The following SLC37A2 variants were observed in gnomAD, a reference collection of about 807,000 sequenced individuals.
SLC37A2 encodes the protein solute carrier family 37 member 2, also known as glucose-6-phosphate exchanger SLC37A2.
Under a neutral mutation model 70.7 loss-of-function variants are expected in SLC37A2, and 59 were observed. The ratio of observed to expected loss-of-function variants is 0.83; its 90% CI spans 0.68 to 1.04. The LOEUF (loss-of-function observed/expected upper bound fraction) is 1.04. Among genes scored for constraint, SLC37A2 ranks in the 50% least tolerant of loss-of-function variants. The pLI, the probability that SLC37A2 is intolerant of heterozygous loss-of-function variation, is 0.00. For synonymous variants in SLC37A2, 257 were observed against 262.1 expected, an observed-to-expected ratio of 0.98 and a Z score of 0.19; for missense variants, 580 against 658.1, an observed-to-expected ratio of 0.88 and a Z score of 1.30.
intron 13 of SLC37A2, 65 bp downstream of exon 13, chr11:125,084,938 G>T (rs1949189232): frequency 1.9e-6 from 3 of 1,603,592 alleles, no homozygotes; most frequent in East Asian, 4.5e-5. Context: ...GCCCCATGAG[G>T]CTGGCCCACG....
intron 1 of SLC37A2, among the ~76,000 whole-genome samples, chr11:125,068,347 TC>T (rs1229840430): frequency 2.0e-5 from 3 of 152,238 alleles, no homozygotes; most frequent in Non-Finnish European, 4.4e-5. Flanking sequence ...TCCTTTTACT[TC>T]CTTCCAGATA....
chr11:125,081,568 C>A, intron 8 of SLC37A2, 110 bp downstream of exon 8: 1 of 1,434,590 alleles, frequency 7.0e-7, no homozygotes, highest in Non-Finnish European at 9.4e-7. Context: ...TCACTGACCT[C>A]ACCGACCCAG....
intron 1 of SLC37A2, among the ~76,000 whole-genome samples, chr11:125,065,752 G>GC (rs1555078554): frequency 0.015 from 2,253 of 151,932 alleles, 62 homozygotes; most frequent in African/African-American, 0.051. Flanking sequence ...TTATGTACTG[G>GC]TAAAAAAAAA....
intron 1 of SLC37A2, among the ~76,000 whole-genome samples, chr11:125,067,209 C>A (rs977811904): frequency 6.6e-6 from 1 of 152,208 alleles, no homozygotes; most frequent in South Asian, 2.1e-4. Context: ...AAACTCCTGG[C>A]CTAAAGCCAT....
intron 1 of SLC37A2, among the ~76,000 whole-genome samples, chr11:125,071,017 G>C (rs1336609542): frequency 6.6e-6 from 1 of 152,188 alleles, no homozygotes; most frequent in East Asian, 1.9e-4. Flanking sequence ...ACTGAGAGCT[G>C]GGGTCAGGGT....
chr11:125,081,549 T>C (rs949967138), intron 8 of SLC37A2, 91 bp downstream of exon 8: 21 of 1,480,882 alleles, frequency 1.4e-5, no homozygotes, highest in Middle Eastern at 4.1e-4. Flanking sequence ...GAGCAGGGAG[T>C]TCTGGCCCTC....
Position 125,064,603 on chromosome 11 carries a change from C to T in SLC37A2, c.59+1177C>T, listed in dbSNP as rs183249990. Reference sequence around the variant, plus strand: ...GAGAGCTCTCATCAATTCTAACCTTCTTCACTCGTTTAGATTATTTACCTA... The same window carrying T: ...GAGAGCTCTCATCAATTCTAACCTTTTTCACTCGTTTAGATTATTTACCTA... On this transcript the variant is annotated intron_variant, in intron 1 of 17. Transcript: ENST00000403796. 6.7e-4 allele frequency among the ~76,000 whole-genome samples: 102 copies of T among 152,298 alleles called. 1 individual carries two copies. The Middle Eastern group carries it at 0.01, about 15-fold the overall frequency.
intron 1 of SLC37A2, among the ~76,000 whole-genome samples, chr11:125,072,885 T>G (rs2135563328): frequency 6.6e-6 from 1 of 152,264 alleles, no homozygotes; most frequent in African/African-American, 2.4e-5. Flanking sequence ...GTGGTGTGAC[T>G]TTGAGCTCAT....
At chr11:125,072,972 GA>G (rs1759254061) in intron 1 of SLC37A2, among the ~76,000 whole-genome samples, 2 of 152,162 alleles carry the variant, frequency 1.3e-5, no homozygotes, top group South Asian at 4.1e-4. Flanking sequence ...CAACACAGCT[GA>G]GGACCCCCCA....
rs1162201670 is a variant in SLC37A2 at position 125,088,025 on chromosome 11, G to A, written c.1491-94G>A. Reference sequence around the variant, plus strand: ...AACTGAGATGAAAGCAATGATGAAGGGACCCTGGGACCCTGCCTTTCCTCT... The same window carrying A: ...AACTGAGATGAAAGCAATGATGAAGAGACCCTGGGACCCTGCCTTTCCTCT... On this transcript the variant is annotated intron_variant, in intron 17 of 17. Transcript: ENST00000403796. The A allele has an allele frequency of 2.2e-6, 3 of 1,373,444 alleles. No individual in the cohort carries two copies. The East Asian group carries it at 7.5e-5, about 34-fold the overall frequency. The allele number at this position is 1,373,444 out of a possible 1,614,324, so 85.1% of individuals were successfully genotyped here.
chr11:125,067,693 G>A (rs1328806871), intron 1 of SLC37A2, among the ~76,000 whole-genome samples: 2 of 151,974 alleles, frequency 1.3e-5, no homozygotes, highest in Non-Finnish European at 2.9e-5. Flanking sequence ...GCCAACTTTG[G>A]CAAAATTTTA....
intron 3 of SLC37A2, 35 bp downstream of exon 3, chr11:125,077,358 A>G: frequency 6.3e-7 from 1 of 1,591,178 alleles, no homozygotes; most frequent in Non-Finnish European, 8.6e-7. Context: ...CCCATTCCCC[A>G]TTCCCTCTTC....
intron 12 of SLC37A2, 115 bp downstream of exon 12, chr11:125,084,434 C>A: frequency 9.4e-7 from 1 of 1,067,706 alleles, no homozygotes; most frequent in Non-Finnish European, 1.4e-6. Flanking sequence ...TGTACGCGTG[C>A]ACATGCATCA....
intron 6 of SLC37A2, 41 bp downstream of exon 6, chr11:125,079,801 G>A (rs1382829525): frequency 2.7e-6 from 4 of 1,494,798 alleles, no homozygotes; most frequent in Non-Finnish European, 3.7e-6. Context: ...GGATTGGGAG[G>A]GCTGGGGGTC....
chr11:125,067,729 CTT>C (rs1411346397), intron 1 of SLC37A2, among the ~76,000 whole-genome samples: 3 of 152,154 alleles, frequency 2.0e-5, no homozygotes, highest in Admixed American at 2.0e-4. Flanking sequence ...TATTTTTAGA[CTT>C]ATTGTTTGAT....
chr11:125,072,143 G>C (rs1446627163), intron 1 of SLC37A2, among the ~76,000 whole-genome samples: 2 of 152,148 alleles, frequency 1.3e-5, no homozygotes, highest in African/African-American at 4.8e-5. Flanking sequence ...GGTGGTGGCA[G>C]TCGGTCTTTT....
At chr11:125,069,486 C>T (rs1446750866) in intron 1 of SLC37A2, among the ~76,000 whole-genome samples, 1 of 152,190 alleles carries the variant, frequency 6.6e-6, no homozygotes, top group Non-Finnish European at 1.5e-5. Context: ...AAATGAGAAG[C>T]TGCTTAAAGC....
In SLC37A2 at chr11:125,084,401, C is replaced by T. The variant is rs534758776; in HGVS notation, c.1125+82C>T. On this transcript the variant is annotated intron_variant, in intron 12 of 17. Transcript: ENST00000403796. ...CCTCTGGCCTATGTGCACGTCCACG[C>T]GTTACACACATTGATGTCGCTGTGT... is the stretch of plus-strand genomic sequence containing the variant. The T allele has an allele frequency of 2.8e-5, 37 of 1,340,694 alleles. 1 individual carries two copies. Among genetic ancestry groups the T allele is most frequent in the South Asian group, 2.3e-4 (19 of 84,398 alleles). The allele number at this position is 1,340,694 out of a possible 1,614,324, so 83.0% of individuals were successfully genotyped here. A position where few individuals can be genotyped will look rare whatever the true frequency, so the allele number is the denominator to read the frequency against.
chr11:125,087,968 C>A, intron 17 of SLC37A2, 151 bp from the exon 18 acceptor site: 1 of 805,880 alleles, frequency 1.2e-6, no homozygotes, highest in Non-Finnish European at 2.0e-6. Context: ...TATTTCCTGC[C>A]TGAGAGGTGA....
Sources: gnomAD v4.1 joint callset for allele counts (sites outside exome capture counted in the v4.1 genomes callset) on GRCh38, gnomAD v4.1.1 for gene constraint, MANE v1.5 for transcripts, NCBI Gene and HGNC (gene_info 2026-07-23, HGNC 2026-07-21) for gene names.